Variants in SCEL observed in about 807,000 individuals in gnomAD.
SCEL encodes sciellin.
In SCEL, 113 loss-of-function variants were observed where a neutral mutation model predicts 117.6. The observed-to-expected ratio is 0.96, with a 90% CI of 0.83 to 1.12. The LOEUF is 1.12. Among genes scored for constraint, SCEL ranks in the 50% most tolerant of loss-of-function variants. The probability of loss-of-function intolerance (pLI) is 0.00; values close to 1 mark genes in which losing one functional copy is unlikely to be tolerated. For synonymous variants in SCEL, 270 were observed against 256.2 expected, an observed-to-expected ratio of 1.05 and a Z score of -0.51; for missense variants, 785 against 810.8, an observed-to-expected ratio of 0.97 and a Z score of 0.39.
At chr13:77,543,329 C>T (rs896559748) in intron 1 of SCEL, among the ~76,000 whole-genome samples, 7 of 151,740 alleles carry the variant, frequency 4.6e-5, no homozygotes, top group South Asian at 4.2e-4. Context: ...GTGATCCGCC[C>T]GCCTCGGCCT....
At chr13:77,588,236 T>C (rs1447757656) in intron 9 of SCEL, among the ~76,000 whole-genome samples, 1 of 152,188 alleles carries the variant, frequency 6.6e-6, no homozygotes. Flanking sequence ...CATTCAGTCC[T>C]GACAATACCC....
At chr13:77,590,805 T>C (rs1029859082) in intron 10 of SCEL, among the ~76,000 whole-genome samples, 11 of 152,080 alleles carry the variant, frequency 7.2e-5, no homozygotes, top group African/African-American at 2.7e-4. Flanking sequence ...CGAATATAGC[T>C]TCTTGAGAAC....
Position 77,602,663 on chromosome 13 carries a change from T to C in SCEL, c.987T>C (p.Asn329=). 5 of 1,613,570 alleles carry C rather than the reference T, an allele frequency of 3.1e-6. No individual in the cohort carries two copies. Among genetic ancestry groups the C allele is most frequent in the Non-Finnish European group, 4.2e-6 (5 of 1,179,722 alleles). The part of the protein sequence containing the change: ...RTDKNEKGRQ[N]LESVAKVNAR... Reference sequence around the variant, plus strand: ...GGTGTTTTTTCCAAAGAAGACAAAATCTCGAATCTGTTGCTAAAGTGAATG... The same window carrying C: ...GGTGTTTTTTCCAAAGAAGACAAAACCTCGAATCTGTTGCTAAAGTGAATG... The change falls in exon 17 of 33, where the codon AAT becomes AAC. Residue 329 remains asparagine (N), a synonymous_variant. Coordinates refer to ENST00000349847, the MANE Select transcript of SCEL (RefSeq NM_144777.3).
In SCEL at chr13:77,629,926, ATTGGGGG is replaced by A. The variant is rs529164720; in HGVS notation, c.1691+1919_1691+1925del. Among the ~76,000 whole-genome samples, 115 of 152,266 alleles carry A rather than the reference ATTGGGGG, an allele frequency of 7.6e-4. 1 individual carries two copies. The highest frequency in any genetic ancestry group is 2.5e-3 in the African/African-American group (104 of 41,572). ...TGGGCATGGGGCAGAATTCTTCTGG[ATTGGGGG>A]TCTTATGACCTACAGTCAAGCAAGG... is the stretch of plus-strand genomic sequence containing the variant. On this transcript the variant is annotated intron_variant, in intron 28 of 32. Transcript: ENST00000349847.
chr13:77,564,253 T>A (rs748083314), intron 5 of SCEL, among the ~76,000 whole-genome samples: 1 of 150,912 alleles, frequency 6.6e-6, no homozygotes, highest in African/African-American at 2.4e-5. Context: ...TCTTCCACAC[T>A]GATGGTGGAA....
intron 1 of SCEL, among the ~76,000 whole-genome samples, chr13:77,545,600 G>A (rs1055197422): frequency 6.6e-6 from 1 of 152,166 alleles, no homozygotes; most frequent in African/African-American, 2.4e-5. Flanking sequence ...AAATGTCTGC[G>A]GAAGTAGAGG....
chr13:77,587,488 A>G (rs1430401170), intron 9 of SCEL, among the ~76,000 whole-genome samples: 1 of 151,900 alleles, frequency 6.6e-6, no homozygotes, highest in African/African-American at 2.4e-5. Context: ...CAATGCCTCT[A>G]TCTCCTTGCT....
chr13:77,644,267 T>G lies in SCEL; in HGVS notation c.2060T>G (p.Ile687Ser), dbSNP rs2090695220. ...TTCTTTTAATTTGCAGCAAAGTGGA[T>G]TCCATAACTCTGGCACAAGGAAATC... ...PCYSKIMAKW[I>S]P is the part of the protein sequence containing the mutation. The change falls in exon 33 of 33, where the codon ATT becomes AGT. Residue 687 changes from isoleucine (I) to serine (S), a missense_variant. Coordinates refer to ENST00000349847, the MANE Select transcript of SCEL (RefSeq NM_144777.3). 1 of 1,613,146 alleles carries G rather than the reference T, an allele frequency of 6.2e-7. No individual in the cohort carries two copies. The highest frequency in any genetic ancestry group is 1.3e-5 in the African/African-American group (1 of 74,888).
At position 77,604,346 on chromosome 13, in the gene SCEL, T is replaced by A. The variant is rs79098906; in HGVS notation, c.1098-10T>A. The A allele has an allele frequency of 2.0e-6, 3 of 1,524,696 alleles. No homozygotes were observed. Among genetic ancestry groups the A allele is most frequent in the Non-Finnish European group, 1.8e-6 (2 of 1,127,602 alleles). 94.4% of individuals were successfully genotyped at this position (1,524,696 alleles called of 1,614,324 possible). A position where few individuals can be genotyped will look rare whatever the true frequency, so the allele number is the denominator to read the frequency against. ...ACATCATTCATTAAAATTAATTTCC[T>A]TTTTCAAAGAAAAAAAGACCTTGAT... On this transcript the variant is annotated splice_polypyrimidine_tract_variant and intron_variant, in intron 18 of 32. Transcript: ENST00000349847.
At chr13:77,542,225 AC>A (rs1410239719) in intron 1 of SCEL, among the ~76,000 whole-genome samples, 3 of 152,096 alleles carry the variant, frequency 2.0e-5, no homozygotes, top group African/African-American at 7.2e-5. Context: ...ACATGGTGAA[AC>A]CCCGTCTCTA....
intron 9 of SCEL, among the ~76,000 whole-genome samples, chr13:77,573,398 G>C (rs1391732470): frequency 6.6e-6 from 1 of 152,090 alleles, no homozygotes; most frequent in Non-Finnish European, 1.5e-5. Context: ...TTCTAATTCT[G>C]ACTATTGGAA....
chr13:77,638,026 A>G (rs542725408), intron 30 of SCEL, among the ~76,000 whole-genome samples: 1 of 152,216 alleles, frequency 6.6e-6, no homozygotes, highest in Non-Finnish European at 1.5e-5. Flanking sequence ...CCATCATGCA[A>G]ATGTCTGATG....
In SCEL at chr13:77,535,747, A is replaced by C. The variant is rs2083395327; in HGVS notation, c.-97A>C. On this transcript the variant is annotated 5_prime_UTR_variant, in exon 1 of 33. Transcript: ENST00000349847. The stretch of plus-strand genomic sequence containing the variant: ...TCCACTGAATAAACTCTAGGTTCCC[A>C]TTTCTTTCAGCCAGATCCTCCCAGG... The C allele has an allele frequency of 6.6e-6, 1 of 152,088 alleles. No individual in the cohort carries two copies. Among genetic ancestry groups the C allele is most frequent in the Non-Finnish European group, 1.5e-5 (1 of 68,016 alleles). The allele number at this position is 152,088 out of a possible 1,614,324, so 9.4% of individuals were successfully genotyped here. A position where few individuals can be genotyped will look rare whatever the true frequency, so the allele number is the denominator to read the frequency against.
At position 77,617,589 on chromosome 13, in the gene SCEL, C is replaced by G. The variant is rs201924400; in HGVS notation, c.1452-10C>G. ...AACCCAAGTTGCTTTAATATTTTTT[C>G]CACTTAAAGAAAACAAGATCTTGAT... is the stretch of plus-strand genomic sequence containing the variant. On this transcript the variant is annotated splice_polypyrimidine_tract_variant and intron_variant, in intron 24 of 32. Transcript: ENST00000349847. 19 of 1,549,288 alleles carry G rather than the reference C, an allele frequency of 1.2e-5. No individual in the cohort carries two copies. Among genetic ancestry groups the G allele is most frequent in the Non-Finnish European group, 7.9e-6 (9 of 1,134,648 alleles).
chr13:77,547,189 G>A (rs2084039161), intron 1 of SCEL, among the ~76,000 whole-genome samples: 1 of 152,018 alleles, frequency 6.6e-6, no homozygotes, highest in Admixed American at 6.6e-5. Flanking sequence ...ACCACACCCA[G>A]CCCCCCAAAA....
At chr13:77,546,148 T>A (rs1407869733) in intron 1 of SCEL, among the ~76,000 whole-genome samples, 2 of 151,992 alleles carry the variant, frequency 1.3e-5, no homozygotes, top group Non-Finnish European at 2.9e-5. Context: ...CATTGGGGAG[T>A]GAGTTTTGAG....
chr13:77,631,246 C>T (rs1318207408), intron 28 of SCEL, among the ~76,000 whole-genome samples: 1 of 152,148 alleles, frequency 6.6e-6, no homozygotes, highest in Non-Finnish European at 1.5e-5. Flanking sequence ...GTTGTCTCTC[C>T]AACTCTATTC....
chr13:77,578,753 A>C (rs942539337), intron 9 of SCEL, among the ~76,000 whole-genome samples: 1 of 152,172 alleles, frequency 6.6e-6, no homozygotes, highest in Admixed American at 6.5e-5. Context: ...AATTGGTCTT[A>C]AGCAGCTGAC....
chr13:77,543,237 C>T (rs922095525), intron 1 of SCEL, among the ~76,000 whole-genome samples: 51 of 151,852 alleles, frequency 3.4e-4, no homozygotes, highest in African/African-American at 1.1e-3. Flanking sequence ...GCGCCCACCA[C>T]CACGCCCGGC....
Sources: gnomAD v4.1 joint callset for allele counts (sites outside exome capture counted in the v4.1 genomes callset) on GRCh38, gnomAD v4.1.1 for gene constraint, MANE v1.5 for transcripts, NCBI Gene and HGNC (gene_info 2026-07-23, HGNC 2026-07-21) for gene names.